Variants in NRSN1 observed in about 807,000 individuals in gnomAD.
The protein encoded by NRSN1 is neurensin-1.
A neutral mutation model predicts 17.3 loss-of-function variants in NRSN1; 14 were observed. That is an observed-to-expected ratio of 0.81 (90% CI 0.54 to 1.27). NRSN1 has a LOEUF of 1.27. Among genes scored for constraint, NRSN1 ranks in the 50% most tolerant of loss-of-function variants. The pLI is 0.00. For synonymous variants in NRSN1, 79 were observed against 94.2 expected, an observed-to-expected ratio of 0.84 and a Z score of 0.93; for missense variants, 209 against 235.9, an observed-to-expected ratio of 0.89 and a Z score of 0.75.
Position 24,140,853 on chromosome 6 carries a change from G to A in NRSN1, c.190-4695G>A, listed in dbSNP as rs143734207. ...TCAAAATAACAGCAGTCTCTGGCCT[G>A]TAGCCCCCACCAGCAGAATTTCTGG... On this transcript the variant is annotated intron_variant, in intron 3 of 3. Transcript: ENST00000378491. 5.1e-4 allele frequency: 658 copies of A among 1,294,876 alleles called. 3 individuals carry two copies. The African/African-American group carries it at 8.7e-3, about 17-fold the overall frequency. 80.2% of individuals were successfully genotyped at this position (1,294,876 alleles called of 1,614,324 possible). A position where few individuals can be genotyped will look rare whatever the true frequency, so the allele number is the denominator to read the frequency against.
At position 24,145,505 on chromosome 6, in the gene NRSN1, A is replaced by G; in HGVS notation, c.190-43A>G. 5 of 1,496,432 alleles carry G rather than the reference A, an allele frequency of 3.3e-6. No homozygotes were observed. Among genetic ancestry groups the G allele is most frequent in the Non-Finnish European group, 4.5e-6 (5 of 1,114,394 alleles). The allele number at this position is 1,496,432 out of a possible 1,614,324, so 92.7% of individuals were successfully genotyped here. A position where few individuals can be genotyped will look rare whatever the true frequency, so the allele number is the denominator to read the frequency against. ...TGAGGGCTCAGGGGCGAGCCGAAGC[A>G]CCTTCCTCACTCTATCTTGCTTCTG... is the stretch of plus-strand genomic sequence containing the variant. On this transcript the variant is annotated intron_variant, in intron 3 of 3. Coordinates refer to ENST00000378491, the MANE Select transcript of NRSN1 (RefSeq NM_080723.5). This position sits in a 1 kb window ranked among gnomAD's most constrained non-coding sequence, Gnocchi z 4.4.
In NRSN1 at chr6:24,146,891, A is replaced by T. The variant is rs1760316229; in HGVS notation, c.*945A>T. ...GAAATTATTTAACCTCTCAGTCCTA[A>T]TTTTCCCCTTCTGTATAATGGGAGT... On this transcript the variant is annotated 3_prime_UTR_variant, in exon 4 of 4. Coordinates refer to ENST00000378491, the MANE Select transcript of NRSN1 (RefSeq NM_080723.5). 6.6e-6 allele frequency: 1 copy of T among 152,184 alleles called. No individual in the cohort carries two copies. The allele number at this position is 152,184 out of a possible 1,614,324, so 9.4% of individuals were successfully genotyped here. A position where few individuals can be genotyped will look rare whatever the true frequency, so the allele number is the denominator to read the frequency against.
intron 3 of NRSN1, among the ~76,000 whole-genome samples, chr6:24,137,594 C>T (rs776593466): frequency 4.6e-5 from 7 of 151,790 alleles, no homozygotes; most frequent in Non-Finnish European, 1.0e-4. Context: ...AGGTTTGTTA[C>T]ACATGTATAC....
At position 24,134,395 on chromosome 6, in the gene NRSN1, G is replaced by C; in HGVS notation, c.68G>C (p.Arg23Pro). Residue 23 changes from arginine (R) to proline (P), a missense_variant, in exon 3 of 4, where the codon CGC becomes CCC. Physicochemically the swap from Arg to Pro is moderately radical, Grantham distance 103 (BLOSUM62 -2). Transcript: ENST00000378491. ...AQAAAEGGYQ[R>P]YGVRSYLHQF... ...GCTGCAGCTGAGGGTGGTTACCAGC[G>C]CTATGGAGTCCGGTCCTACCTGCAC... 1 of 1,614,108 alleles carries C rather than the reference G, an allele frequency of 6.2e-7. No homozygotes were observed. Among genetic ancestry groups the C allele is most frequent in the Non-Finnish European group, 8.5e-7 (1 of 1,180,008 alleles).
chr6:24,138,344 G>T (rs1266416608), intron 3 of NRSN1, among the ~76,000 whole-genome samples: 1 of 152,120 alleles, frequency 6.6e-6, no homozygotes, highest in Non-Finnish European at 1.5e-5. Context: ...CATTGCTGCT[G>T]CCCCAAAATC....
chr6:24,141,743 G>A (rs1760207178), intron 3 of NRSN1, among the ~76,000 whole-genome samples: 1 of 152,226 alleles, frequency 6.6e-6, no homozygotes, highest in African/African-American at 2.4e-5. Context: ...CAGCTGAGGA[G>A]CAGACTGCTC....
At chr6:24,126,601 T>C (rs571602050) in intron 1 of NRSN1, among the ~76,000 whole-genome samples, 1 of 152,292 alleles carries the variant, frequency 6.6e-6, no homozygotes, top group Non-Finnish European at 1.5e-5. Flanking sequence ...GTTTGTGTTA[T>C]GTAAGAATTT....
At chr6:24,128,972 A>T (rs1472623842) in intron 2 of NRSN1, 1 of 152,220 alleles carries the variant, frequency 6.6e-6, no homozygotes, top group Non-Finnish European at 1.5e-5. Context: ...GAGTTTCATG[A>T]GGCATAAAGA....
At chr6:24,126,847 G>C (rs970131604) in intron 1 of NRSN1, among the ~76,000 whole-genome samples, 1 of 152,168 alleles carries the variant, frequency 6.6e-6, no homozygotes, top group Non-Finnish European at 1.5e-5. Flanking sequence ...TGTTAGACAG[G>C]AACATTAGGG....
rs904576783 is a variant in NRSN1, at chr6:24,145,971, T to C, written c.*25T>C. The C allele has an allele frequency of 3.8e-6, 6 of 1,582,566 alleles. No individual in the cohort carries two copies. The African/African-American group carries it at 6.8e-5, about 18-fold the overall frequency. On this transcript the variant is annotated 3_prime_UTR_variant, in exon 4 of 4. Transcript: ENST00000378491. The surrounding 1 kb of genome is among the most constrained non-coding windows in gnomAD (Gnocchi z 4.4). Reference sequence around the variant, plus strand: ...AAACCTTTCCCACCCCAGTTCTTCTTGTCTGATTTATGCCCGTGGTTAAAA... The same window carrying C: ...AAACCTTTCCCACCCCAGTTCTTCTCGTCTGATTTATGCCCGTGGTTAAAA...
Position 24,145,848 on chromosome 6 carries a change from C to A in NRSN1, c.490C>A (p.His164Asn). Residue 164 changes from histidine (H) to asparagine (N), a missense_variant, in exon 4 of 4, where the codon CAC becomes AAC. Transcript: ENST00000378491. This position sits in a 1 kb window ranked among gnomAD's most constrained non-coding sequence, Gnocchi z 4.4. ...AGAACGAATCGCAGACATCAAAGCC[C>A]ACACCCAGCCGGTTACAAAAGCTCC... ...FKERIADIKA[H>N]TQPVTKAPGP... 6.2e-7 allele frequency: 1 copy of A among 1,614,184 alleles called. No homozygotes were observed. Among genetic ancestry groups the A allele is most frequent in the Non-Finnish European group, 8.5e-7 (1 of 1,180,032 alleles).
chr6:24,138,704 A>G (rs991010586), intron 3 of NRSN1, among the ~76,000 whole-genome samples: 2 of 152,150 alleles, frequency 1.3e-5, no homozygotes, highest in African/African-American at 4.8e-5. Flanking sequence ...AGTTCCTCCT[A>G]TCTGCCCTGA....
At chr6:24,140,856 G>A in intron 3 of NRSN1, 2 of 1,294,742 alleles carry the variant, frequency 1.5e-6, no homozygotes, top group Non-Finnish European at 2.0e-6. Context: ...CTGGCCTGTA[G>A]CCCCCACCAG....
intron 3 of NRSN1, among the ~76,000 whole-genome samples, chr6:24,137,827 G>C (rs1469981723): frequency 6.6e-6 from 1 of 152,066 alleles, no homozygotes; most frequent in Non-Finnish European, 1.5e-5. Context: ...GTGGGTATCT[G>C]ATGCAGACTA....
intron 3 of NRSN1, among the ~76,000 whole-genome samples, chr6:24,140,535 A>C (rs1760188023): frequency 6.6e-6 from 1 of 152,204 alleles, no homozygotes; most frequent in South Asian, 2.1e-4. Flanking sequence ...AGCTCAGGAG[A>C]GGTCAGCACA....
chr6:24,126,762 GC>G (rs1454682500), intron 1 of NRSN1, among the ~76,000 whole-genome samples: 1 of 152,104 alleles, frequency 6.6e-6, no homozygotes, highest in Non-Finnish European at 1.5e-5. Context: ...GCCCCCACTG[GC>G]CCTCCCCACT....
intron 3 of NRSN1, among the ~76,000 whole-genome samples, chr6:24,142,879 C>T (rs748002083): frequency 1.3e-5 from 2 of 152,186 alleles, no homozygotes; most frequent in African/African-American, 2.4e-5. Context: ...GCTACTGGCG[C>T]GGGTGGCCAG....
At chr6:24,136,573 C>T (rs1034223997) in intron 3 of NRSN1, among the ~76,000 whole-genome samples, 1 of 151,594 alleles carries the variant, frequency 6.6e-6, no homozygotes, top group Admixed American at 6.6e-5. Context: ...CCTGACAGAT[C>T]TGTTGTGCCA....
chr6:24,138,210 G>A (rs539710471), intron 3 of NRSN1, among the ~76,000 whole-genome samples: 9 of 152,110 alleles, frequency 5.9e-5, no homozygotes, highest in Admixed American at 3.3e-4. Flanking sequence ...ACAGAGTGCC[G>A]CACACTTTCT....
Sources: gnomAD v4.1 joint callset for allele counts (sites outside exome capture counted in the v4.1 genomes callset) on GRCh38, gnomAD v4.1.1 for gene constraint, Gnocchi (gnomAD v3.1) non-coding constraint, MANE v1.5 for transcripts, NCBI Gene and HGNC (gene_info 2026-07-23, HGNC 2026-07-21) for gene names.